The following C3orf70 variants were observed in gnomAD, a reference collection of about 807,000 sequenced individuals.
The protein encoded by C3orf70 is chromosome 3 open reading frame 70.
C3orf70 carries 15 observed loss-of-function variants against 20.7 expected under a neutral mutation model. The observed-to-expected ratio is 0.72, with a 90% CI of 0.48 to 1.11. C3orf70 has a LOEUF of 1.11. Among genes scored for constraint, C3orf70 ranks in the 50% most tolerant of loss-of-function variants. The probability of loss-of-function intolerance (pLI) is 0.00; values close to 1 mark genes in which losing one functional copy is unlikely to be tolerated. For synonymous variants in C3orf70, 161 were observed against 125.7 expected (o/e 1.28, Z -1.88); for missense variants, 332 against 317.6 (o/e 1.05, Z -0.34).
intron 1 of C3orf70, among the ~76,000 whole-genome samples, chr3:185,127,427 C>A (rs1716433676): frequency 6.6e-6 from 1 of 151,988 alleles, no homozygotes. Context: ...CCTAGACATT[C>A]ATTCTTTTTT....
chr3:185,078,427 T>C lies in C3orf70; in HGVS notation c.*4580A>G, dbSNP rs1399463005. ...TTTTCCTAGAACAGCTAACTCTCAG[T>C]TATCTACAGTAATGAAAAAGAGCAG... is the stretch of plus-strand genomic sequence containing the variant. On this transcript the variant is annotated 3_prime_UTR_variant, in exon 2 of 2. Coordinates refer to ENST00000335012, the MANE Select transcript of C3orf70 (RefSeq NM_001025266.3). The C allele has an allele frequency of 6.6e-6, 1 of 152,230 alleles. No individual in the cohort carries two copies. The highest frequency in any genetic ancestry group is 1.5e-5 in the Non-Finnish European group (1 of 68,040). The allele number at this position is 152,230 out of a possible 1,614,324, so 9.4% of individuals were successfully genotyped here.
At chr3:185,144,167 AC>A (rs1408560565) in intron 1 of C3orf70, among the ~76,000 whole-genome samples, 1 of 152,208 alleles carries the variant, frequency 6.6e-6, no homozygotes, top group African/African-American at 2.4e-5. Flanking sequence ...TTCCAGATTA[AC>A]CAGGACATTT....
At position 185,082,188 on chromosome 3, in the gene C3orf70, C is replaced by T. The variant is rs183457580; in HGVS notation, c.*819G>A. ...CTAGCCCCAGCCAAGTAAACCTCAT[C>T]CTTCCCCTGGGTTCCCAGAGCTTTT... On this transcript the variant is annotated 3_prime_UTR_variant, in exon 2 of 2. Coordinates refer to ENST00000335012, the MANE Select transcript of C3orf70 (RefSeq NM_001025266.3). 8.5e-5 allele frequency: 13 copies of T among 152,274 alleles called. No individual in the cohort carries two copies. Among genetic ancestry groups the T allele is most frequent in the African/African-American group, 2.9e-4 (12 of 41,554 alleles). The allele number at this position is 152,274 out of a possible 1,614,324, so 9.4% of individuals were successfully genotyped here.
At chr3:185,131,044 C>T (rs1358161444) in intron 1 of C3orf70, among the ~76,000 whole-genome samples, 1 of 152,162 alleles carries the variant, frequency 6.6e-6, no homozygotes, top group Non-Finnish European at 1.5e-5. Flanking sequence ...AAACTGTTTT[C>T]CAACGTGGTT....
chr3:185,138,584 G>A (rs1398765396), intron 1 of C3orf70, among the ~76,000 whole-genome samples: 1 of 152,092 alleles, frequency 6.6e-6, no homozygotes, highest in South Asian at 2.1e-4. Flanking sequence ...ATGCAAGGCT[G>A]GTTCAATACT....
rs1715203161 is a variant in C3orf70 at position 185,076,868 on chromosome 3, T to A, written c.*6139A>T. Among the ~76,000 whole-genome samples the A allele has an allele frequency of 6.6e-6, 1 of 152,188 alleles. No homozygotes were observed. The highest frequency in any genetic ancestry group is 1.5e-5 in the Non-Finnish European group (1 of 68,038). ...TGCTAAATTAAAGTTTATTGCAGAA[T>A]AAAAGTGTGTGCAGTCAGCATTTGT... On this transcript the variant is annotated 3_prime_UTR_variant, in exon 2 of 2. Coordinates refer to ENST00000335012, the MANE Select transcript of C3orf70 (RefSeq NM_001025266.3).
chr3:185,109,933 T>C (rs1042922521), intron 1 of C3orf70, among the ~76,000 whole-genome samples: 8 of 152,208 alleles, frequency 5.3e-5, no homozygotes, highest in African/African-American at 1.7e-4. Flanking sequence ...ACGATTCCTA[T>C]GGAATCATTA....
intron 1 of C3orf70, among the ~76,000 whole-genome samples, chr3:185,097,267 T>C (rs1715729217): frequency 6.6e-6 from 1 of 152,204 alleles, no homozygotes; most frequent in Admixed American, 6.5e-5. Flanking sequence ...ATGCTACTAA[T>C]TCTTTAGATG....
In C3orf70 at chr3:185,077,789, T is replaced by TGGGGGGGG. The variant is rs10663284; in HGVS notation, c.*5210_*5217dup. Among the ~76,000 whole-genome samples, 1 of 124,172 alleles carries TGGGGGGGG rather than the reference T, an allele frequency of 8.1e-6. No individual in the cohort carries two copies. Among genetic ancestry groups the TGGGGGGGG allele is most frequent in the Non-Finnish European group, 1.7e-5 (1 of 59,510 alleles). 81.5% of individuals were successfully genotyped at this position (124,172 alleles called of 152,430 possible). ...TGAAATAAATGCTATTTGGTGGTGG[T>TGGGGGGGG]GGGGGGGGGGTATCAAGTTTTATTT... On this transcript the variant is annotated 3_prime_UTR_variant, in exon 2 of 2. Transcript: ENST00000335012.
intron 1 of C3orf70, among the ~76,000 whole-genome samples, chr3:185,108,748 G>A (rs902351645): frequency 8.5e-5 from 13 of 152,208 alleles, no homozygotes; most frequent in Admixed American, 8.5e-4. Flanking sequence ...TCTTTTAAAG[G>A]AGGAGTTAAT....
chr3:185,107,405 G>A (rs1715967338), intron 1 of C3orf70, among the ~76,000 whole-genome samples: 1 of 152,186 alleles, frequency 6.6e-6, no homozygotes, highest in Non-Finnish European at 1.5e-5. Context: ...AACATATGAT[G>A]CGTGAAATGG....
Position 185,139,144 on chromosome 3 carries a change from AAGG to A in C3orf70, c.196+13481_196+13483del, listed in dbSNP as rs1398696316. 8.0e-5 allele frequency among the ~76,000 whole-genome samples: 12 copies of A among 149,720 alleles called. No individual in the cohort carries two copies. In the East Asian group the frequency reaches 2.4e-3, roughly 30 times the overall value. On this transcript the variant is annotated intron_variant, in intron 1 of 1. Coordinates refer to ENST00000335012, the MANE Select transcript of C3orf70 (RefSeq NM_001025266.3). ...GAGCAGGAGGGGGAGCGGGAGGAGG[AAGG>A]AGGAGGAGGAAGGAGGAGCAGAAAG...
chr3:185,084,883 C>T (rs1410287273), intron 1 of C3orf70, among the ~76,000 whole-genome samples: 2 of 152,298 alleles, frequency 1.3e-5, no homozygotes, highest in Middle Eastern at 3.4e-3. Context: ...TTGTGGGCAT[C>T]ATTTTGAATT....
At chr3:185,098,776 G>A (rs907852163) in intron 1 of C3orf70, among the ~76,000 whole-genome samples, 1 of 152,196 alleles carries the variant, frequency 6.6e-6, no homozygotes, top group Non-Finnish European at 1.5e-5. Flanking sequence ...GTCTGAGTAA[G>A]CCAACTGCCC....
At chr3:185,119,664 C>G (rs147868507) in intron 1 of C3orf70, among the ~76,000 whole-genome samples, 1 of 152,068 alleles carries the variant, frequency 6.6e-6, no homozygotes, top group African/African-American at 2.4e-5. Context: ...AAGTACATCA[C>G]TAATCTATTT....
chr3:185,110,164 A>C (rs1716040862), intron 1 of C3orf70, among the ~76,000 whole-genome samples: 2 of 152,254 alleles, frequency 1.3e-5, no homozygotes, highest in African/African-American at 4.8e-5. Flanking sequence ...ATTTGTGGAA[A>C]CTATTAATAG....
intron 1 of C3orf70, among the ~76,000 whole-genome samples, chr3:185,123,690 C>T (rs546450513): frequency 6.6e-6 from 1 of 152,070 alleles, no homozygotes; most frequent in South Asian, 2.1e-4. Flanking sequence ...AATTGTGATA[C>T]ATATGTGACT....
intron 1 of C3orf70, among the ~76,000 whole-genome samples, chr3:185,112,487 G>A (rs962029153): frequency 3.3e-5 from 5 of 152,010 alleles, no homozygotes; most frequent in African/African-American, 9.7e-5. Flanking sequence ...ATAATTCCAC[G>A]ATTTTCAAAT....
intron 1 of C3orf70, among the ~76,000 whole-genome samples, chr3:185,131,419 T>G (rs1049559176): frequency 7.9e-5 from 12 of 152,210 alleles, no homozygotes; most frequent in Non-Finnish European, 1.0e-4. Context: ...AAGTCTGATA[T>G]CCGGTTAAAC....
Sources: gnomAD v4.1 joint callset for allele counts (sites outside exome capture counted in the v4.1 genomes callset) on GRCh38, gnomAD v4.1.1 for gene constraint, MANE v1.5 for transcripts, NCBI Gene and HGNC (gene_info 2026-07-23, HGNC 2026-07-21) for gene names.